Variants in KCNIP4 observed in about 807,000 individuals in gnomAD.
KCNIP4 encodes the protein Kv channel-interacting protein 4.
A neutral mutation model predicts 34.0 loss-of-function variants in KCNIP4; 12 were observed. The observed-to-expected ratio is 0.35, with a 90% CI of 0.23 to 0.57. The LOEUF (loss-of-function observed/expected upper bound fraction) is 0.57, where lower values mean the gene tolerates loss of function less well. Ranked by LOEUF, KCNIP4 falls within the 20% of genes least tolerant of loss-of-function variation. The pLI is 0.83. For synonymous variants in KCNIP4, 124 were observed against 102.2 expected, an observed-to-expected ratio of 1.21 and a Z score of -1.29; for missense variants, 238 against 311.7, an observed-to-expected ratio of 0.76 and a Z score of 1.78.
In KCNIP4 at chr4:21,664,961, A is replaced by G. The variant is rs1015380631; in HGVS notation, c.61+283610T>C. Among the ~76,000 whole-genome samples the G allele has an allele frequency of 2.5e-4, 38 of 152,256 alleles. No individual in the cohort carries two copies. In the South Asian group the frequency reaches 6.2e-3, roughly 25 times the overall value. Reference sequence around the variant, plus strand: ...AGCCTAAAAAATGAAAATGGCTTGAATTTCCAGGTCTTGGAAAGTCCTGAC... The same window carrying G: ...AGCCTAAAAAATGAAAATGGCTTGAGTTTCCAGGTCTTGGAAAGTCCTGAC... On this transcript the variant is annotated intron_variant, in intron 1 of 8. Coordinates refer to ENST00000382152, the MANE Select transcript of KCNIP4 (RefSeq NM_025221.6).
intron 1 of KCNIP4, among the ~76,000 whole-genome samples, chr4:21,015,399 A>T (rs1739413566): frequency 7.0e-6 from 1 of 142,028 alleles, no homozygotes; most frequent in African/African-American, 2.6e-5. Flanking sequence ...AATATTGGTT[A>T]TATATATAAC....
intron 1 of KCNIP4, among the ~76,000 whole-genome samples, chr4:21,815,371 T>A (rs1275734373): frequency 6.6e-6 from 1 of 152,190 alleles, no homozygotes; most frequent in Non-Finnish European, 1.5e-5. Flanking sequence ...TAAAGACTCT[T>A]GTAATGTTAT....
chr4:20,866,925 A>G (rs1388761519), intron 2 of KCNIP4, among the ~76,000 whole-genome samples: 2 of 152,084 alleles, frequency 1.3e-5, no homozygotes, highest in Non-Finnish European at 2.9e-5. Flanking sequence ...CAAAGAAAAT[A>G]AAATACTTAG....
chr4:21,890,405 A>T (rs1201655639), intron 1 of KCNIP4, among the ~76,000 whole-genome samples: 1 of 152,270 alleles, frequency 6.6e-6, no homozygotes, highest in Admixed American at 6.5e-5. Context: ...CTTAAGTGTG[A>T]TGTCATCTGG....
chr4:20,801,667 A>G, intron 3 of KCNIP4, among the ~76,000 whole-genome samples: 1 of 152,112 alleles, frequency 6.6e-6, no homozygotes. Context: ...GGTAACTGCA[A>G]AACAAAAAAC....
chr4:21,731,413 AG>A (rs1197660931), intron 1 of KCNIP4, among the ~76,000 whole-genome samples: 1 of 152,120 alleles, frequency 6.6e-6, no homozygotes, highest in Non-Finnish European at 1.5e-5. Flanking sequence ...GTGGAGGAGG[AG>A]GGGGTGAAAA....
chr4:21,378,659 C>T (rs1721193268), intron 1 of KCNIP4, among the ~76,000 whole-genome samples: 1 of 152,144 alleles, frequency 6.6e-6, no homozygotes, highest in African/African-American at 2.4e-5. Flanking sequence ...TGCATTTGAT[C>T]ATGCCATGTT....
intron 5 of KCNIP4, among the ~76,000 whole-genome samples, chr4:20,742,313 C>A (rs1393068309): frequency 6.6e-6 from 1 of 152,126 alleles, no homozygotes; most frequent in South Asian, 2.1e-4. Context: ...ATGCAAAAAT[C>A]CTCAATAAAA....
chr4:21,651,720 C>T (rs539263847), intron 1 of KCNIP4, among the ~76,000 whole-genome samples: 2 of 152,124 alleles, frequency 1.3e-5, no homozygotes, highest in African/African-American at 4.8e-5. Context: ...AACAGGATGT[C>T]CTTAGAATCC....
intron 1 of KCNIP4, among the ~76,000 whole-genome samples, chr4:21,237,755 A>G (rs1314023429): frequency 1.3e-5 from 2 of 152,200 alleles, no homozygotes; most frequent in African/African-American, 4.8e-5. Context: ...ACCAACCAAA[A>G]AAGTCCAGGA....
intron 1 of KCNIP4, among the ~76,000 whole-genome samples, chr4:21,940,705 A>C (rs1730155779): frequency 6.6e-6 from 1 of 152,166 alleles, no homozygotes; most frequent in Non-Finnish European, 1.5e-5. Context: ...GCAACATTAA[A>C]CTCAATGGCT....
chr4:21,613,313 G>GT (rs551538744), intron 1 of KCNIP4: 15 of 152,144 alleles, frequency 9.9e-5, no homozygotes, highest in Admixed American at 4.6e-4. Flanking sequence ...CTTCTGCCTT[G>GT]TTTGTTCTCT....
At chr4:21,153,476 T>C (rs1253209769) in intron 1 of KCNIP4, among the ~76,000 whole-genome samples, 1 of 145,684 alleles carries the variant, frequency 6.9e-6, no homozygotes, top group Non-Finnish European at 1.5e-5. Flanking sequence ...TTTATATATA[T>C]ACATATATAT....
At chr4:20,797,761 G>A (rs1053999919) in intron 3 of KCNIP4, among the ~76,000 whole-genome samples, 4 of 152,136 alleles carry the variant, frequency 2.6e-5, no homozygotes, top group African/African-American at 7.2e-5. Flanking sequence ...GCTGTGGGTC[G>A]GCAGGGAATT....
intron 1 of KCNIP4, among the ~76,000 whole-genome samples, chr4:21,210,232 T>C (rs1757127285): frequency 6.6e-6 from 1 of 152,232 alleles, no homozygotes; most frequent in Admixed American, 6.5e-5. Flanking sequence ...TTTATTTTAC[T>C]GCCTTTATTT....
intron 1 of KCNIP4, among the ~76,000 whole-genome samples, chr4:20,950,687 T>C (rs1044362438): frequency 1.3e-5 from 2 of 152,040 alleles, no homozygotes; most frequent in African/African-American, 2.4e-5. Context: ...GCATGCAATG[T>C]AGAAGCCAAT....
chr4:20,749,860 AC>A, intron 4 of KCNIP4, 128 bp from the exon 5 acceptor site: 1 of 567,060 alleles, frequency 1.8e-6, no homozygotes, highest in South Asian at 2.7e-5. Context: ...TGCTTTCTTC[AC>A]AACTGCTTAC....
intron 1 of KCNIP4, among the ~76,000 whole-genome samples, chr4:21,643,997 T>C (rs1746826004): frequency 6.6e-6 from 1 of 152,096 alleles, no homozygotes; most frequent in Non-Finnish European, 1.5e-5. Flanking sequence ...TCATTAAATT[T>C]TAAATAAACT....
chr4:21,421,900 G>A (rs2109628844), intron 1 of KCNIP4, among the ~76,000 whole-genome samples: 1 of 152,206 alleles, frequency 6.6e-6, no homozygotes, highest in East Asian at 1.9e-4. Flanking sequence ...AGGACCTACT[G>A]AAACTGTCAT....
Sources: allele counts gnomAD v4.1 joint callset (sites outside exome capture counted in the v4.1 genomes callset), GRCh38; gene constraint gnomAD v4.1.1; transcripts MANE v1.5; gene names NCBI Gene and HGNC (gene_info 2026-07-23, HGNC 2026-07-21).